The following LRRTM4 variants were observed in gnomAD, a reference collection of about 807,000 sequenced individuals.
LRRTM4 encodes leucine-rich repeat transmembrane neuronal protein 4.
In LRRTM4, 25 loss-of-function variants were observed where a neutral mutation model predicts 47.6. The ratio of observed to expected loss-of-function variants is 0.53; its 90% CI spans 0.38 to 0.73. The LOEUF (loss-of-function observed/expected upper bound fraction) is 0.73, where lower values mean the gene tolerates loss of function less well. LRRTM4 is among the 30% of genes least tolerant of loss of function. The pLI, the probability that LRRTM4 is intolerant of heterozygous loss-of-function variation, is 0.00. For synonymous variants in LRRTM4, 311 were observed against 269.5 expected (o/e 1.15, Z -1.51); for missense variants, 638 against 713.4 (o/e 0.89, Z 1.20).
intron 3 of LRRTM4, among the ~76,000 whole-genome samples, chr2:76,944,953 T>G (rs1675274832): frequency 6.6e-6 from 1 of 151,936 alleles, no homozygotes; most frequent in Admixed American, 6.6e-5. Context: ...CCTTGGGAAG[T>G]TTTTACGAGT....
intron 3 of LRRTM4, among the ~76,000 whole-genome samples, chr2:77,119,465 A>C (rs534899013): frequency 2.6e-5 from 4 of 151,836 alleles, no homozygotes; most frequent in African/African-American, 9.7e-5. Context: ...AGAGCAATTA[A>C]GATAAAAATT....
intron 3 of LRRTM4, among the ~76,000 whole-genome samples, chr2:77,140,424 G>T (rs532817354): frequency 6.6e-6 from 1 of 152,170 alleles, no homozygotes; most frequent in Non-Finnish European, 1.5e-5. Flanking sequence ...CTAGCCATAT[G>T]TAGAAAGCTG....
At chr2:77,252,458 C>T (rs1675645190) in intron 3 of LRRTM4, among the ~76,000 whole-genome samples, 1 of 152,136 alleles carries the variant, frequency 6.6e-6, no homozygotes, top group African/African-American at 2.4e-5. Flanking sequence ...GACAGAAGAC[C>T]CATGCTATAC....
At chr2:77,113,477 C>A (rs1208061706) in intron 3 of LRRTM4, among the ~76,000 whole-genome samples, 1 of 152,186 alleles carries the variant, frequency 6.6e-6, no homozygotes, top group Non-Finnish European at 1.5e-5. Flanking sequence ...AAGCCCATGC[C>A]TCTAATCCAC....
chr2:77,450,516 T>G (rs2103950143), intron 3 of LRRTM4, among the ~76,000 whole-genome samples: 2 of 152,330 alleles, frequency 1.3e-5, no homozygotes, highest in East Asian at 3.9e-4. Flanking sequence ...AACTAAATAC[T>G]TTTTGTTTAT....
At chr2:77,147,487 A>T (rs1474374268) in intron 3 of LRRTM4, among the ~76,000 whole-genome samples, 1 of 152,186 alleles carries the variant, frequency 6.6e-6, no homozygotes, top group Non-Finnish European at 1.5e-5. Flanking sequence ...CATGTACATT[A>T]TGCCATCACG....
At chr2:76,822,745 G>C (rs1283369477) in intron 3 of LRRTM4, among the ~76,000 whole-genome samples, 1 of 151,460 alleles carries the variant, frequency 6.6e-6, no homozygotes, top group Non-Finnish European at 1.5e-5. Context: ...AAACTATGTG[G>C]TGAAAGGAGG....
At chr2:77,454,833 T>C (rs151287051) in intron 3 of LRRTM4, among the ~76,000 whole-genome samples, 1,529 of 152,298 alleles carry the variant, frequency 0.01, 17 homozygotes, top group African/African-American at 0.033. Flanking sequence ...TTGATGAATA[T>C]GAGTTTTCTT....
chr2:77,167,866 G>C (rs1436180260), intron 3 of LRRTM4, among the ~76,000 whole-genome samples: 1 of 151,898 alleles, frequency 6.6e-6, no homozygotes, highest in African/African-American at 2.4e-5. Context: ...CAAGTTAATG[G>C]GTGCACCAGA....
In LRRTM4 at chr2:77,352,268, G is replaced by A. The variant is rs186760915; in HGVS notation, c.1551+166050C>T. On this transcript the variant is annotated intron_variant, in intron 3 of 3. Coordinates refer to ENST00000409884, the MANE Select transcript of LRRTM4 (RefSeq NM_001134745.3). The stretch of plus-strand genomic sequence containing the variant: ...TTTGAATAATAATTAGATTTTAGGA[G>A]TGAAGTCATTTTACTGATTTGATGT... Among the ~76,000 whole-genome samples the A allele has an allele frequency of 5.3e-5, 8 of 152,210 alleles. No homozygotes were observed. The East Asian group carries it at 1.2e-3, about 22-fold the overall frequency.
At chr2:77,428,719 G>A (rs1217669776) in intron 3 of LRRTM4, among the ~76,000 whole-genome samples, 3 of 152,144 alleles carry the variant, frequency 2.0e-5, no homozygotes, top group Admixed American at 1.3e-4. Flanking sequence ...ATTCATTAAC[G>A]GAAGAATCAG....
At chr2:76,939,292 C>G (rs1004218100) in intron 3 of LRRTM4, among the ~76,000 whole-genome samples, 1 of 152,098 alleles carries the variant, frequency 6.6e-6, no homozygotes, top group Admixed American at 6.6e-5. Flanking sequence ...GGAGTCTTTG[C>G]TTTGCATGAA....
intron 3 of LRRTM4, among the ~76,000 whole-genome samples, chr2:76,796,717 A>G (rs1675346713): frequency 6.7e-6 from 1 of 148,610 alleles, no homozygotes; most frequent in African/African-American, 2.5e-5. Flanking sequence ...GGGAAAAAAC[A>G]GAACAGAAAA....
chr2:77,098,820 A>G (rs1005071815), intron 3 of LRRTM4, among the ~76,000 whole-genome samples: 2 of 152,032 alleles, frequency 1.3e-5, no homozygotes, highest in Admixed American at 1.3e-4. Flanking sequence ...GAAATTATCA[A>G]AAGATATGAA....
At chr2:77,137,587 T>C (rs1671983907) in intron 3 of LRRTM4, among the ~76,000 whole-genome samples, 1 of 152,066 alleles carries the variant, frequency 6.6e-6, no homozygotes, top group African/African-American at 2.4e-5. Flanking sequence ...AATAACCAGC[T>C]AACATCATAA....
chr2:77,150,090 A>C (rs1291916783), intron 3 of LRRTM4, among the ~76,000 whole-genome samples: 2 of 152,258 alleles, frequency 1.3e-5, no homozygotes, highest in East Asian at 3.9e-4. Flanking sequence ...AAATACTTTG[A>C]TACAGAATTT....
At chr2:76,966,827 C>T (rs1280243368) in intron 3 of LRRTM4, among the ~76,000 whole-genome samples, 2 of 151,440 alleles carry the variant, frequency 1.3e-5, no homozygotes, top group East Asian at 3.9e-4. Context: ...TTCTTAATAA[C>T]ATTCTCTGTG....
At chr2:76,888,405 C>T (rs115103064) in intron 3 of LRRTM4, among the ~76,000 whole-genome samples, 14 of 151,518 alleles carry the variant, frequency 9.2e-5, no homozygotes, top group Non-Finnish European at 1.8e-4. Flanking sequence ...CATACATAGA[C>T]ATCTGAAAAG....
chr2:77,242,422 G>A (rs553728952), intron 3 of LRRTM4, among the ~76,000 whole-genome samples: 103 of 152,116 alleles, frequency 6.8e-4, no homozygotes, highest in Middle Eastern at 6.8e-3. Context: ...TCATATATCC[G>A]ATAAGACATT....
Sources: allele counts gnomAD v4.1 joint callset (sites outside exome capture counted in the v4.1 genomes callset), GRCh38; gene constraint gnomAD v4.1.1; transcripts MANE v1.5; gene names NCBI Gene and HGNC (gene_info 2026-07-23, HGNC 2026-07-21).